Variants in NUP98 observed in about 807,000 individuals in gnomAD.
The protein encoded by NUP98 is nucleoporin 98 and 96 precursor.
NUP98 carries 26 observed loss-of-function variants against 191.9 expected under a neutral mutation model. That is an observed-to-expected ratio of 0.14 (90% confidence interval 0.10 to 0.19). The LOEUF is 0.19. Among genes scored for constraint, NUP98 ranks in the 10% least tolerant of loss-of-function variants. The pLI is 1.00. For missense variants in NUP98, 1,941 were observed against 2,178.8 expected (o/e 0.89, Z 2.17); for synonymous variants, 808 against 778.4 (o/e 1.04, Z -0.63).
rs539594735 is a variant in NUP98, at chr11:3,778,072, G to A, written c.355+801C>T. On this transcript the variant is annotated intron_variant, in intron 4 of 32. Coordinates refer to ENST00000324932, the MANE Select transcript of NUP98 (RefSeq NM_016320.5). ...AAATTAGCCGGGCATGGTGGCAGGC[G>A]CCTGTAGTCCCAGCTACTCGGGAGG... Among the ~76,000 whole-genome samples, 138 of 151,600 alleles carry A rather than the reference G, an allele frequency of 9.1e-4. No individual in the cohort carries two copies. In the South Asian group the frequency reaches 0.01, roughly 11 times the overall value.
chr11:3,679,626 C>G lies in NUP98; in HGVS notation c.5001G>C (p.Gln1667His). ...AAACAAGCCCAGATGTTTCCCAATC[C>G]TGAATTAGGCTGCTGCGCTCTGGAG... ...LAPPERSSLI[Q>H]DWETSGLVYL... The change falls in exon 31 of 33, where the codon CAG becomes CAC. Residue 1667 changes from glutamine to histidine, a missense_variant. Around this residue, in one of 6 missense-constraint regions of NUP98, gnomAD observed 1,030 missense variants for 1,115.8 expected, o/e 0.92. Transcript: ENST00000324932. 6.2e-7 allele frequency: 1 copy of G among 1,614,220 alleles called. No individual in the cohort carries two copies. Among genetic ancestry groups the G allele is most frequent in the African/African-American group, 1.3e-5 (1 of 75,052 alleles).
chr11:3,757,102 T>C (rs1045002591), intron 10 of NUP98, among the ~76,000 whole-genome samples: 28 of 138,482 alleles, frequency 2.0e-4, no homozygotes, highest in Non-Finnish European at 3.3e-4. Flanking sequence ...AAAAAATATA[T>C]ATATATATCT....
chr11:3,676,629 A>C lies in NUP98; in HGVS notation c.5074-9T>G, dbSNP rs752255160. The C allele has an allele frequency of 2.5e-6, 4 of 1,602,086 alleles. No individual in the cohort carries two copies. The highest frequency in any genetic ancestry group is 1.1e-5 in the South Asian group (1 of 90,846). ...TTACCTGAGCAATCCACCTACAAAGAAGCAGAGAAGCCAATTAATCCAAGG... is the reference window on the plus strand; with the variant it reads ...TTACCTGAGCAATCCACCTACAAAGCAGCAGAGAAGCCAATTAATCCAAGG... On this transcript the variant is annotated splice_polypyrimidine_tract_variant and intron_variant, in intron 31 of 32. Coordinates refer to ENST00000324932, the MANE Select transcript of NUP98 (RefSeq NM_016320.5).
intron 9 of NUP98, among the ~76,000 whole-genome samples, chr11:3,761,938 G>A (rs540691900): frequency 6.6e-6 from 1 of 151,866 alleles, no homozygotes; most frequent in South Asian, 2.1e-4. Context: ...AACGAGACTC[G>A]GTTTCAAAAA....
At chr11:3,780,473 C>T (rs369297345) in intron 2 of NUP98, among the ~76,000 whole-genome samples, 18 of 136,214 alleles carry the variant, frequency 1.3e-4, no homozygotes, top group African/African-American at 1.9e-4. Flanking sequence ...ACCCAGGAGG[C>T]GGAAGTCGCC....
At position 3,676,266 on chromosome 11, in the gene NUP98, A is replaced by G; in HGVS notation, c.5296T>C (p.Leu1766=). 1 of 1,614,218 alleles carries G rather than the reference A, an allele frequency of 6.2e-7. No individual in the cohort carries two copies. ...PDPQRVPLRL[L]APHIGRLPMP... is the part of the protein sequence containing the mutation. The stretch of plus-strand genomic sequence containing the variant: ...GGAAGCCGGCCAATGTGGGGAGCCA[A>G]GAGGCGCAAAGGGACTCGCTGAGGG... The change falls in exon 33 of 33, where the codon TTG becomes CTG. Residue 1766 remains leucine (L), a synonymous_variant. Coordinates refer to ENST00000324932, the MANE Select transcript of NUP98 (RefSeq NM_016320.5).
At chr11:3,732,407 CATG>C (rs1386634057) in intron 13 of NUP98, among the ~76,000 whole-genome samples, 3 of 152,100 alleles carry the variant, frequency 2.0e-5, no homozygotes, top group Admixed American at 6.6e-5. Flanking sequence ...TTGATGAAAA[CATG>C]ATACCAAAAA....
chr11:3,752,504 G>A (rs542684669), intron 11 of NUP98, among the ~76,000 whole-genome samples: 1 of 150,686 alleles, frequency 6.6e-6, no homozygotes, highest in Admixed American at 6.6e-5. Context: ...ACGACAGAGT[G>A]AGACTCCATC....
intron 15 of NUP98, among the ~76,000 whole-genome samples, chr11:3,724,874 A>G (rs2079557127): frequency 6.6e-6 from 1 of 152,118 alleles, no homozygotes; most frequent in African/African-American, 2.4e-5. Context: ...AAAACAAGAT[A>G]CACAAATACC....
chr11:3,735,824 GGGCAAATAC>G (rs2080031851), intron 12 of NUP98, among the ~76,000 whole-genome samples: 1 of 146,574 alleles, frequency 6.8e-6, no homozygotes, highest in African/African-American at 2.5e-5. Context: ...ACAGTATACA[GGGCAAATAC>G]TGTGTGTGTG....
chr11:3,677,564 C>T (rs537009660), intron 31 of NUP98, among the ~76,000 whole-genome samples: 1 of 152,136 alleles, frequency 6.6e-6, no homozygotes, highest in South Asian at 2.1e-4. Flanking sequence ...GTACCCTTTG[C>T]TTAATCCCTA....
At chr11:3,733,392 A>G (rs902932728) in intron 13 of NUP98, among the ~76,000 whole-genome samples, 17 of 152,098 alleles carry the variant, frequency 1.1e-4, no homozygotes, top group Admixed American at 8.5e-4. Context: ...GCTCACTGCA[A>G]TCTCCACCTC....
chr11:3,691,776 A>G (rs1370672346), intron 27 of NUP98, among the ~76,000 whole-genome samples: 1 of 151,480 alleles, frequency 6.6e-6, no homozygotes, highest in Non-Finnish European at 1.5e-5. Context: ...CTGGTCTTGA[A>G]CTCCTGACAT....
At chr11:3,683,901 A>G (rs1326286335) in intron 29 of NUP98, among the ~76,000 whole-genome samples, 1 of 152,086 alleles carries the variant, frequency 6.6e-6, no homozygotes, top group Non-Finnish European at 1.5e-5. Flanking sequence ...TCACACCGGT[A>G]TTAATTTTTA....
intron 12 of NUP98, among the ~76,000 whole-genome samples, chr11:3,736,807 G>GT (rs1174463063): frequency 6.6e-6 from 1 of 152,122 alleles, no homozygotes; most frequent in African/African-American, 2.4e-5. Flanking sequence ...CAAAAATGTG[G>GT]TTTTTTCTTT....
chr11:3,736,436 A>C (rs2080063352), intron 12 of NUP98, among the ~76,000 whole-genome samples: 1 of 152,160 alleles, frequency 6.6e-6, no homozygotes, highest in Non-Finnish European at 1.5e-5. Flanking sequence ...CGAGCAGATC[A>C]CTTGAGGTGA....
At chr11:3,741,569 C>T (rs1304032860) in intron 12 of NUP98, among the ~76,000 whole-genome samples, 2 of 151,878 alleles carry the variant, frequency 1.3e-5, no homozygotes, top group African/African-American at 2.4e-5. Context: ...AGAAGTGAGC[C>T]GAGATCGCGC....
In NUP98 at chr11:3,795,460, A is replaced by G. The variant is rs983409328; in HGVS notation, c.-29+1940T>C. Among the ~76,000 whole-genome samples, 4 of 152,102 alleles carry G rather than the reference A, an allele frequency of 2.6e-5. 1 individual carries two copies. The South Asian group carries it at 8.3e-4, about 32-fold the overall frequency. Reference sequence around the variant, plus strand: ...GACCCTATCTCATAAATAAATAAACAAATAAATGTCAGGGACCAAAGTATC... The same window carrying G: ...GACCCTATCTCATAAATAAATAAACGAATAAATGTCAGGGACCAAAGTATC... On this transcript the variant is annotated intron_variant, in intron 1 of 32. Transcript: ENST00000324932.
At chr11:3,772,669 G>A (rs750995928) in intron 6 of NUP98, among the ~76,000 whole-genome samples, 23 of 152,056 alleles carry the variant, frequency 1.5e-4, no homozygotes, top group Non-Finnish European at 2.9e-4. Context: ...ACAAAAATTA[G>A]CTGGGCATAG....
Sources: allele counts gnomAD v4.1 joint callset (sites outside exome capture counted in the v4.1 genomes callset), GRCh38; gene constraint gnomAD v4.1.1; regional missense constraint gnomAD v4.1.1; transcripts MANE v1.5; gene names NCBI Gene and HGNC (gene_info 2026-07-23, HGNC 2026-07-21).